The following KLHDC8A variants were observed in gnomAD, a reference collection of about 807,000 sequenced individuals.
KLHDC8A encodes kelch domain-containing protein 8A.
KLHDC8A carries 21 observed loss-of-function variants against 33.1 expected under a neutral mutation model. The ratio of observed to expected loss-of-function variants is 0.64; its 90% CI spans 0.45 to 0.91. The LOEUF (loss-of-function observed/expected upper bound fraction) is 0.91. Ranked by LOEUF, KLHDC8A falls within the 40% of genes least tolerant of loss-of-function variation. The pLI, the probability that KLHDC8A is intolerant of heterozygous loss-of-function variation, is 0.00. For missense variants in KLHDC8A, 435 were observed against 483.3 expected (o/e 0.90, Z 0.94); for synonymous variants, 173 against 193.5 (o/e 0.89, Z 0.88).
intron 4 of KLHDC8A, 130 bp from the exon 5 acceptor site, chr1:205,338,726 G>C: frequency 2.9e-6 from 2 of 689,446 alleles, no homozygotes; most frequent in Non-Finnish European, 5.0e-6. Flanking sequence ...CTTTATGCTT[G>C]GGGAGTACAC....
chr1:205,351,232 C>T (rs1663095229), intron 1 of KLHDC8A: 3 of 800,624 alleles, frequency 3.7e-6, no homozygotes, highest in Middle Eastern at 3.5e-4. Context: ...TCTGTGAGCC[C>T]GCGGAGTATA....
rs1042690100 is a variant in KLHDC8A at position 205,337,224 on chromosome 1, T to C, written c.*175A>G. 155 of 596,670 alleles carry C rather than the reference T, an allele frequency of 2.6e-4. No individual in the cohort carries two copies. Among genetic ancestry groups the C allele is most frequent in the Non-Finnish European group, 6.9e-5 (23 of 335,744 alleles). The allele number at this position is 596,670 out of a possible 1,614,324, so 37.0% of individuals were successfully genotyped here. ...CTGTGCCTCTTACAGTTTTCTGAGA[T>C]TGGTAGGATTTGGAGCTATAGAGAG... On this transcript the variant is annotated 3_prime_UTR_variant, in exon 6 of 6. Coordinates refer to ENST00000367155, the MANE Select transcript of KLHDC8A (RefSeq NM_018203.3).
chr1:205,349,081 C>T (rs867297405), intron 1 of KLHDC8A, among the ~76,000 whole-genome samples: 2 of 152,166 alleles, frequency 1.3e-5, no homozygotes, highest in Non-Finnish European at 2.9e-5. Flanking sequence ...CTCATTAGGG[C>T]CTCCTCCCCA....
At chr1:205,355,724 C>T (rs1663248721) in intron 1 of KLHDC8A, among the ~76,000 whole-genome samples, 1 of 152,108 alleles carries the variant, frequency 6.6e-6, no homozygotes, top group Non-Finnish European at 1.5e-5. Flanking sequence ...GGTTAAATGA[C>T]TTGCCCAAGG....
In KLHDC8A at chr1:205,337,529, A is replaced by T; in HGVS notation, c.923T>A (p.Ile308Asn). 3.7e-6 allele frequency: 6 copies of T among 1,613,884 alleles called. No individual in the cohort carries two copies. In the South Asian group the frequency reaches 6.6e-5, roughly 18 times the overall value. Residue 308 changes from isoleucine to asparagine, a missense_variant, in exon 6 of 6, where the codon ATC becomes AAC. Coordinates refer to ENST00000367155, the MANE Select transcript of KLHDC8A (RefSeq NM_018203.3). ...AFHPGKNKWE[I>N]LPAMPTPRCA... ...GCGGGGTGTGGGCATGGCAGGGAGG[A>T]TCTCCCATTTGTTCTTCCCTGGGTG...
chr1:205,343,120 T>C lies in KLHDC8A; in HGVS notation c.376+109A>G, dbSNP rs528640252. ...TGAACGCATGGGGTCTGCAGAAATA[T>C]GGCACTAAACTCCACAGCCCACAGC... On this transcript the variant is annotated intron_variant, in intron 2 of 5. Transcript: ENST00000367155. 1.1e-5 allele frequency: 16 copies of C among 1,432,938 alleles called. No homozygotes were observed. In the South Asian group the frequency reaches 1.8e-4, roughly 16 times the overall value. The allele number at this position is 1,432,938 out of a possible 1,614,324, so 88.8% of individuals were successfully genotyped here.
At chr1:205,338,131 G>A (rs1479749586) in intron 5 of KLHDC8A, among the ~76,000 whole-genome samples, 2 of 152,148 alleles carry the variant, frequency 1.3e-5, no homozygotes, top group East Asian at 3.8e-4. Flanking sequence ...TCCACGATTG[G>A]GCTGGAACAG....
chr1:205,348,850 T>C (rs2102294926), intron 1 of KLHDC8A, among the ~76,000 whole-genome samples: 1 of 152,328 alleles, frequency 6.6e-6, no homozygotes, highest in East Asian at 1.9e-4. Flanking sequence ...TTAGACAGGA[T>C]ATCTTTTCTC....
At chr1:205,356,161 C>T (rs1158342982) in intron 1 of KLHDC8A, among the ~76,000 whole-genome samples, 1 of 150,156 alleles carries the variant, frequency 6.7e-6, no homozygotes, top group Non-Finnish European at 1.5e-5. Context: ...GGGTTTACCT[C>T]CCACGTTTGT....
Position 205,339,750 on chromosome 1 carries a change from G to T in KLHDC8A, c.435C>A (p.Leu145=), listed in dbSNP as rs1463067169. ...TGTCCTTCAGCATGTCATAGTGTTG[G>T]AGGTGGTTGTGTGGACGTAGGTCCA... The part of the protein sequence containing the change: ...MGLDLRPHNH[L]QHYDMLKDMW... Residue 145 remains leucine, a synonymous_variant, in exon 3 of 6, where the codon CTC becomes CTA. Transcript: ENST00000367155. The surrounding 1 kb of genome is among the most constrained non-coding windows in gnomAD (Gnocchi z 5.1). The T allele has an allele frequency of 6.2e-7, 1 of 1,614,194 alleles. No individual in the cohort carries two copies. The highest frequency in any genetic ancestry group is 8.5e-7 in the Non-Finnish European group (1 of 1,180,024).
At chr1:205,354,957 C>T (rs1227078133) in intron 1 of KLHDC8A, among the ~76,000 whole-genome samples, 3 of 152,206 alleles carry the variant, frequency 2.0e-5, no homozygotes, top group Non-Finnish European at 2.9e-5. Context: ...AAGAATTGCA[C>T]TTGGTATTTT....
chr1:205,356,241 G>C (rs1285272281), intron 1 of KLHDC8A, among the ~76,000 whole-genome samples: 1 of 152,222 alleles, frequency 6.6e-6, no homozygotes. Context: ...CGGATCAGAA[G>C]CCAGAAGTTC....
Position 205,338,556 on chromosome 1 carries a change from C to T in KLHDC8A, c.798G>A (p.Lys266=), listed in dbSNP as rs536597346. The part of the protein sequence containing the change: ...LKMERSFFLK[K]RRADFVAGSL... ...AGCCAGCCACAAAATCTGCCCGCCG[C>T]TTCTTGAGGAAGAACGATCGTTCCA... Residue 266 remains lysine (K), a synonymous_variant, in exon 5 of 6, where the codon AAG becomes AAA. Transcript: ENST00000367155. The T allele has an allele frequency of 1.2e-6, 2 of 1,614,188 alleles. No individual in the cohort carries two copies. The highest frequency in any genetic ancestry group is 1.3e-5 in the African/African-American group (1 of 75,042).
rs1401003388 is a variant in KLHDC8A, at chr1:205,336,673, G to C, written c.*726C>G. 5 of 152,726 alleles carry C rather than the reference G, an allele frequency of 3.3e-5. No individual in the cohort carries two copies. The highest frequency in any genetic ancestry group is 1.2e-4 in the African/African-American group (5 of 41,446). The allele number at this position is 152,726 out of a possible 1,614,324, so 9.5% of individuals were successfully genotyped here. On this transcript the variant is annotated 3_prime_UTR_variant, in exon 6 of 6. Coordinates refer to ENST00000367155, the MANE Select transcript of KLHDC8A (RefSeq NM_018203.3). The stretch of plus-strand genomic sequence containing the variant: ...GACAAAAGGGCTAGGCCTCTGGTGG[G>C]GAGGGGGTGGCAAAAGGTGAAGTGG...
intron 1 of KLHDC8A, among the ~76,000 whole-genome samples, chr1:205,347,684 C>G (rs1398695726): frequency 6.6e-6 from 1 of 152,098 alleles, no homozygotes; most frequent in Non-Finnish European, 1.5e-5. Flanking sequence ...CACTGCACTC[C>G]AGCCCAGGTG....
chr1:205,343,687 C>T lies in KLHDC8A; in HGVS notation c.-83G>A. On this transcript the variant is annotated 5_prime_UTR_variant, in exon 2 of 6. Coordinates refer to ENST00000367155, the MANE Select transcript of KLHDC8A (RefSeq NM_018203.3). ...CTACTTGGCGCCGGCTCCCACGGCC[C>T]CTATCGCCACCTCCATCTGGCTCCC... 3 of 1,386,438 alleles carry T rather than the reference C, an allele frequency of 2.2e-6. No homozygotes were observed. The highest frequency in any genetic ancestry group is 2.9e-6 in the Non-Finnish European group (3 of 1,041,684). 85.9% of individuals were successfully genotyped at this position (1,386,438 alleles called of 1,614,324 possible). A position where few individuals can be genotyped will look rare whatever the true frequency, so the allele number is the denominator to read the frequency against.
intron 1 of KLHDC8A, among the ~76,000 whole-genome samples, chr1:205,354,663 A>G (rs112579551): frequency 6.6e-6 from 1 of 152,190 alleles, no homozygotes; most frequent in South Asian, 2.1e-4. Flanking sequence ...TCAGTTGCTT[A>G]TAAGTGTCTC....
chr1:205,338,312 G>C (rs1024969078), intron 5 of KLHDC8A, among the ~76,000 whole-genome samples, 183 bp downstream of exon 5: 2 of 152,188 alleles, frequency 1.3e-5, no homozygotes, highest in African/African-American at 4.8e-5. Flanking sequence ...GGCCACACCT[G>C]GGGCCCACAG....
At position 205,338,743 on chromosome 1, in the gene KLHDC8A, T is replaced by G. The variant is rs1662705062; in HGVS notation, c.758-147A>C. On this transcript the variant is annotated intron_variant, in intron 4 of 5. Transcript: ENST00000367155. ...TTATGCTTGGGGAGTACACAGTTCC[T>G]CCTGCTGTTTCAAATTCTCTGTGGC... 5 of 636,126 alleles carry G rather than the reference T, an allele frequency of 7.9e-6. No individual in the cohort carries two copies. The Admixed American group carries it at 1.4e-4, about 18-fold the overall frequency. The allele number at this position is 636,126 out of a possible 1,614,324, so 39.4% of individuals were successfully genotyped here.
Sources: allele counts gnomAD v4.1 joint callset (sites outside exome capture counted in the v4.1 genomes callset), GRCh38; gene constraint gnomAD v4.1.1; non-coding constraint Gnocchi (gnomAD v3.1); transcripts MANE v1.5; gene names NCBI Gene and HGNC (gene_info 2026-07-23, HGNC 2026-07-21).